The following AUH variants were observed in gnomAD, a reference collection of about 807,000 sequenced individuals.
AUH encodes the protein AU RNA binding methylglutaconyl-CoA hydratase.
In AUH, 29 loss-of-function variants were observed where a neutral mutation model predicts 42.3. That is an observed-to-expected ratio of 0.69 (90% CI 0.51 to 0.93). AUH has a LOEUF of 0.93. AUH is among the 40% of genes least tolerant of loss of function. AUH has a pLI of 0.00. For synonymous variants in AUH, 174 were observed against 166.4 expected (o/e 1.05, Z -0.35); for missense variants, 452 against 438.1 (o/e 1.03, Z -0.28).
chr9:91,320,137 T>C (rs1480978502), intron 4 of AUH, among the ~76,000 whole-genome samples: 3 of 152,240 alleles, frequency 2.0e-5, no homozygotes, highest in Non-Finnish European at 4.4e-5. Flanking sequence ...CATATGGTAA[T>C]TGTATAATCA....
At chr9:91,226,183 C>T (rs928265291) in intron 6 of AUH, among the ~76,000 whole-genome samples, 1 of 151,280 alleles carries the variant, frequency 6.6e-6, no homozygotes, top group African/African-American at 2.4e-5. Flanking sequence ...TAAAAGTGTT[C>T]CCATTTCTCC....
chr9:91,215,968 A>T, intron 9 of AUH, 91 bp downstream of exon 9: 1 of 1,363,890 alleles, frequency 7.3e-7, no homozygotes, highest in Non-Finnish European at 1.0e-6. Flanking sequence ...CGCAAGGGTA[A>T]TCTTGCTCAG....
chr9:91,233,918 T>A (rs1828032505), intron 6 of AUH, among the ~76,000 whole-genome samples: 1 of 152,216 alleles, frequency 6.6e-6, no homozygotes, highest in African/African-American at 2.4e-5. Flanking sequence ...GGGTTATTTT[T>A]AACACCAGTG....
intron 3 of AUH, among the ~76,000 whole-genome samples, chr9:91,354,168 C>CAA (rs199699425): frequency 2.9e-5 from 4 of 137,566 alleles, no homozygotes; most frequent in African/African-American, 5.4e-5. Context: ...AAGTCCGTCT[C>CAA]AAAAAAAAAA....
chr9:91,214,443 T>C lies in AUH; in HGVS notation c.943-18A>G. On this transcript the variant is annotated intron_variant, in intron 9 of 9. Coordinates refer to ENST00000375731, the MANE Select transcript of AUH (RefSeq NM_001698.3). ...GGAATGGTCTAAGAAAAACAAAATA[T>C]TAAATATGTCAAAAATGTTAAAACA... The C allele has an allele frequency of 6.4e-7, 1 of 1,573,494 alleles. No homozygotes were observed. The highest frequency in any genetic ancestry group is 8.7e-7 in the Non-Finnish European group (1 of 1,151,992).
intron 6 of AUH, among the ~76,000 whole-genome samples, chr9:91,265,788 C>T (rs1357207437): frequency 6.6e-6 from 1 of 152,186 alleles, no homozygotes; most frequent in Non-Finnish European, 1.5e-5. Context: ...TGAAAACTTG[C>T]ATATCTTCAG....
intron 4 of AUH, among the ~76,000 whole-genome samples, chr9:91,316,794 T>A (rs756890304): frequency 6.6e-6 from 1 of 152,258 alleles, no homozygotes; most frequent in Admixed American, 6.5e-5. Flanking sequence ...TTGGCCACTA[T>A]GTGTTTCAAA....
chr9:91,278,119 C>T (rs541211003), intron 6 of AUH, among the ~76,000 whole-genome samples: 1 of 152,244 alleles, frequency 6.6e-6, no homozygotes, highest in South Asian at 2.1e-4. Flanking sequence ...AAGAAAACAA[C>T]GGAGGGCTGG....
intron 4 of AUH, among the ~76,000 whole-genome samples, chr9:91,312,117 T>G (rs1828743935): frequency 6.6e-6 from 1 of 152,126 alleles, no homozygotes; most frequent in South Asian, 2.1e-4. Flanking sequence ...ATTTAGTGAC[T>G]CTGAATGAAA....
intron 6 of AUH, among the ~76,000 whole-genome samples, chr9:91,249,187 C>G (rs1403503399): frequency 6.7e-6 from 1 of 149,260 alleles, no homozygotes; most frequent in Non-Finnish European, 1.5e-5. Context: ...GTCCCAGCTA[C>G]TTGGGGGGCT....
intron 6 of AUH, among the ~76,000 whole-genome samples, chr9:91,237,438 T>C (rs1587665388): frequency 2.0e-5 from 3 of 152,352 alleles, no homozygotes; most frequent in East Asian, 3.9e-4. Context: ...AATGGATATC[T>C]TTGTTTCTTT....
chr9:91,257,991 T>C (rs1829498576), intron 6 of AUH, among the ~76,000 whole-genome samples: 1 of 152,226 alleles, frequency 6.6e-6, no homozygotes, highest in African/African-American at 2.4e-5. Context: ...AAATTTAAAG[T>C]ATTTCATGGT....
intron 6 of AUH, among the ~76,000 whole-genome samples, chr9:91,277,583 A>C (rs1015298232): frequency 6.6e-6 from 1 of 152,146 alleles, no homozygotes; most frequent in Admixed American, 6.5e-5. Context: ...TAGGGAAAAA[A>C]TCTATGTATG....
intron 3 of AUH, among the ~76,000 whole-genome samples, chr9:91,333,232 T>A (rs1224750328): frequency 6.6e-6 from 1 of 152,214 alleles, no homozygotes; most frequent in Non-Finnish European, 1.5e-5. Context: ...ATAAAAAATG[T>A]TACATTATCT....
At chr9:91,296,658 C>T (rs1284008987) in intron 5 of AUH, among the ~76,000 whole-genome samples, 1 of 152,174 alleles carries the variant, frequency 6.6e-6, no homozygotes, top group African/African-American at 2.4e-5. Flanking sequence ...TAGACTACTT[C>T]CCATATTCTA....
intron 6 of AUH, among the ~76,000 whole-genome samples, chr9:91,278,101 T>C (rs1825685523): frequency 4.6e-5 from 7 of 151,992 alleles, no homozygotes. Flanking sequence ...GGGAAGAAAT[T>C]GTAGGAAAAG....
intron 4 of AUH, among the ~76,000 whole-genome samples, chr9:91,301,073 A>G (rs1038441574): frequency 6.6e-6 from 1 of 152,194 alleles, no homozygotes; most frequent in Non-Finnish European, 1.5e-5. Context: ...TATTTTGCCT[A>G]CTTTTCTTTT....
rs557314136 is a variant in AUH at position 91,303,647 on chromosome 9, G to C, written c.506-5571C>G. Among the ~76,000 whole-genome samples the C allele has an allele frequency of 2.6e-5, 4 of 152,258 alleles. No homozygotes were observed. The South Asian group carries it at 8.3e-4, about 32-fold the overall frequency. On this transcript the variant is annotated intron_variant, in intron 4 of 9. Transcript: ENST00000375731. ...CAGCCCCACAGGATTTTTAAATTTG[G>C]TTTTGCTTGAAGAATAGTGTTCCTA...
At chr9:91,254,630 A>G (rs1472664860) in intron 6 of AUH, among the ~76,000 whole-genome samples, 1 of 152,222 alleles carries the variant, frequency 6.6e-6, no homozygotes, top group Non-Finnish European at 1.5e-5. Flanking sequence ...TAAACATAAG[A>G]GATGGGTAAT....
Sources: gnomAD v4.1 joint callset for allele counts (sites outside exome capture counted in the v4.1 genomes callset) on GRCh38, gnomAD v4.1.1 for gene constraint, MANE v1.5 for transcripts, NCBI Gene and HGNC (gene_info 2026-07-23, HGNC 2026-07-21) for gene names.